The following ITFG2 variants were observed in gnomAD, a reference collection of about 807,000 sequenced individuals.
ITFG2 encodes the protein KICSTOR complex protein ITFG2.
In ITFG2, 36 loss-of-function variants were observed where a neutral mutation model predicts 54.4. The observed-to-expected ratio is 0.66, with a 90% CI of 0.51 to 0.87. The LOEUF is 0.87. Ranked by LOEUF, ITFG2 falls within the 40% of genes least tolerant of loss-of-function variation. The pLI, the probability that ITFG2 is intolerant of heterozygous loss-of-function variation, is 0.00. For missense variants in ITFG2, 524 were observed against 576.7 expected (o/e 0.91, Z 0.94); for synonymous variants, 211 against 225.4 (o/e 0.94, Z 0.57).
At position 2,824,232 on chromosome 12, in the gene ITFG2, C is replaced by T; in HGVS notation, c.*39C>T. The T allele has an allele frequency of 6.3e-7, 1 of 1,575,638 alleles. No homozygotes were observed. Among genetic ancestry groups the T allele is most frequent in the Non-Finnish European group, 8.7e-7 (1 of 1,145,136 alleles). The stretch of plus-strand genomic sequence containing the variant: ...ATAGCTGGTGAAGGATTCTTCTGAA[C>T]CCCCACCCTACCCCCTAAAGGTATC... On this transcript the variant is annotated 3_prime_UTR_variant, in exon 12 of 12. Transcript: ENST00000228799.
chr12:2,849,688 G>C (rs1038145770), intron 2 of ITFG2, among the ~76,000 whole-genome samples: 3 of 152,238 alleles, frequency 2.0e-5, no homozygotes, highest in Admixed American at 6.5e-5. Context: ...ATATTGACCT[G>C]TGCCAAATGG....
Position 2,812,706 on chromosome 12 carries a change from G to A in ITFG2, c.-55G>A, listed in dbSNP as rs1275004030. 8 of 1,499,636 alleles carry A rather than the reference G, an allele frequency of 5.3e-6. No homozygotes were observed. Among genetic ancestry groups the A allele is most frequent in the Non-Finnish European group, 7.4e-6 (8 of 1,079,944 alleles). The allele number at this position is 1,499,636 out of a possible 1,614,324, so 92.9% of individuals were successfully genotyped here. On this transcript the variant is annotated 5_prime_UTR_variant, in exon 1 of 12. Coordinates refer to ENST00000228799, the MANE Select transcript of ITFG2 (RefSeq NM_018463.4). ...TTCCGCTCTGGCGGCTGTCGCGACG[G>A]GGGTTCAGGGAATATTTACTGGGCC...
intron 4 of ITFG2, 31 bp from the exon 5 acceptor site, chr12:2,820,055 C>T (rs1199994490): frequency 6.3e-7 from 1 of 1,584,324 alleles, no homozygotes; most frequent in Non-Finnish European, 8.6e-7. Context: ...TCGTGGGACT[C>T]CAGAGCCCAT....
At chr12:2,827,602 C>G, downstream of ITFG2, 1 of 1,614,146 alleles carries the variant, frequency 6.2e-7, no homozygotes, top group South Asian at 1.1e-5. This position sits in a 1 kb window ranked among gnomAD's most constrained non-coding sequence, Gnocchi z 4.0. Flanking sequence ...TGCTTTGGGT[C>G]AGGCCCTGAG....
At chr12:2,819,999 C>T (rs1351518255) in intron 4 of ITFG2, 87 bp from the exon 5 acceptor site, 44 of 1,495,954 alleles carry the variant, frequency 2.9e-5, no homozygotes, top group Non-Finnish European at 3.5e-5. Context: ...GGTGTGAAGC[C>T]GCACTGGCTG....
downstream of ITFG2, among the ~76,000 whole-genome samples, chr12:2,831,733 T>C (rs1326035022): frequency 2.6e-5 from 4 of 152,030 alleles, no homozygotes; most frequent in Admixed American, 2.6e-4. Flanking sequence ...AATCTGTCCC[T>C]CCTTTCCTTC....
chr12:2,823,023 G>A (rs1425037166), intron 10 of ITFG2, 112 bp downstream of exon 10: 1 of 781,986 alleles, frequency 1.3e-6, no homozygotes, highest in African/African-American at 1.7e-5. Context: ...ATCCCCTGAT[G>A]TAAGTCTTCA....
At position 2,845,910 on chromosome 12, in the gene ITFG2, C is replaced by T. The variant is rs952028961; in HGVS notation, n.300+4915C>T. ...TGAGTTAGGGTCTCACTGTATTCCC[C>T]AGGCTGGTCTGAAACTCCTGGGCTC... On this transcript the variant is annotated intron_variant and non_coding_transcript_variant, in intron 2 of 3. Coordinates refer to the ITFG2 transcript ENST00000537710. The surrounding 1 kb of genome is among the most constrained non-coding windows in gnomAD (Gnocchi z 4.2). Among the ~76,000 whole-genome samples, 1 of 152,104 alleles carries T rather than the reference C, an allele frequency of 6.6e-6. No homozygotes were observed. Among genetic ancestry groups the T allele is most frequent in the African/African-American group, 2.4e-5 (1 of 41,416 alleles).
At chr12:2,815,724 G>A (rs1291127503) in intron 1 of ITFG2, among the ~76,000 whole-genome samples, 1 of 152,204 alleles carries the variant, frequency 6.6e-6, no homozygotes, top group Non-Finnish European at 1.5e-5. Flanking sequence ...ACCTAGAGCT[G>A]TTCAGGTCGC....
At chr12:2,857,145 C>G in intron 2 of ITFG2, 3 of 696,592 alleles carry the variant, frequency 4.3e-6, no homozygotes, top group Non-Finnish European at 7.9e-6. Context: ...AGAAGAGGCC[C>G]TCACCTGTCC....
At position 2,857,117 on chromosome 12, in the gene ITFG2, G is replaced by A. The variant is rs2098089866; in HGVS notation, n.301-895G>A. Reference sequence around the variant, plus strand: ...CTCCTGGGGTTGCTATGGTGATGCTGCTTGAGTGGTGATGCAGAGAAGAGG... The same window carrying A: ...CTCCTGGGGTTGCTATGGTGATGCTACTTGAGTGGTGATGCAGAGAAGAGG... On this transcript the variant is annotated intron_variant and non_coding_transcript_variant, in intron 2 of 3. Transcript: ENST00000537710. The A allele has an allele frequency of 4.3e-6, 3 of 701,868 alleles. No homozygotes were observed. The African/African-American group carries it at 5.2e-5, about 12-fold the overall frequency. The allele number at this position is 701,868 out of a possible 1,614,324, so 43.5% of individuals were successfully genotyped here. A position where few individuals can be genotyped will look rare whatever the true frequency, so the allele number is the denominator to read the frequency against.
chr12:2,817,132 T>C (rs2153923804), intron 1 of ITFG2, 91 bp from the exon 2 acceptor site: 1 of 761,474 alleles, frequency 1.3e-6, no homozygotes, highest in Admixed American at 2.2e-5. Flanking sequence ...GTTGAGGTCT[T>C]GTGATTACCC....
upstream of ITFG2, chr12:2,834,784 C>T: frequency 6.2e-7 from 1 of 1,613,836 alleles, no homozygotes; most frequent in Non-Finnish European, 8.5e-7. Context: ...CTCCTGCCCC[C>T]TCGTCCTGGC....
chr12:2,829,155 G>A (rs995571807), downstream of ITFG2, among the ~76,000 whole-genome samples: 6 of 152,184 alleles, frequency 3.9e-5, no homozygotes, highest in African/African-American at 1.4e-4. Context: ...TTGGGAGTTT[G>A]ATGGCCTCCT....
upstream of ITFG2, among the ~76,000 whole-genome samples, chr12:2,834,083 G>T (rs997327337): frequency 6.6e-6 from 1 of 152,214 alleles, no homozygotes; most frequent in African/African-American, 2.4e-5. Context: ...GAGGAGAGGA[G>T]CCTGGAAGGT....
chr12:2,837,345 G>T (rs111847495), intron 1 of ITFG2, among the ~76,000 whole-genome samples: 25,914 of 152,184 alleles, frequency 0.17, 2,417 homozygotes, highest in South Asian at 0.34. Context: ...GGGCGCGGTG[G>T]CAGGCGCCTG....
intron 2 of ITFG2, among the ~76,000 whole-genome samples, chr12:2,846,174 C>T (rs1033389415): frequency 2.6e-5 from 4 of 152,164 alleles, no homozygotes; most frequent in Non-Finnish European, 5.9e-5. Flanking sequence ...GAGGCTGTTC[C>T]GGAGAGCAGG....
At position 2,821,774 on chromosome 12, in the gene ITFG2, G is replaced by A. The variant is rs1178399190; in HGVS notation, c.930G>A (p.Leu310=). ...SVQVDHQLFA[L]EKLDVTGNGH... ...AGGTGGATCACCAGCTCTTTGCCCT[G>A]GAGAAACTGGATGTCACCGTGAGTG... is the stretch of plus-strand genomic sequence containing the variant. The change falls in exon 9 of 12, where the codon CTG becomes CTA. Residue 310 remains leucine (L), a synonymous_variant. Coordinates refer to ENST00000228799, the MANE Select transcript of ITFG2 (RefSeq NM_018463.4). The A allele has an allele frequency of 6.2e-7, 1 of 1,613,890 alleles. No individual in the cohort carries two copies. Among genetic ancestry groups the A allele is most frequent in the Non-Finnish European group, 8.5e-7 (1 of 1,179,838 alleles).
chr12:2,849,233 A>G (rs750900179), intron 2 of ITFG2: 7 of 1,535,142 alleles, frequency 4.6e-6, no homozygotes, highest in Admixed American at 3.9e-5. Context: ...AAGCCCTTCT[A>G]GAAGTGTCCA....
Sources: allele counts gnomAD v4.1 joint callset (sites outside exome capture counted in the v4.1 genomes callset), GRCh38; gene constraint gnomAD v4.1.1; non-coding constraint Gnocchi (gnomAD v3.1); transcripts MANE v1.5; gene names NCBI Gene and HGNC (gene_info 2026-07-23, HGNC 2026-07-21).